SCHIP1: variants seen among roughly 807,000 people sequenced by gnomAD.
The protein encoded by SCHIP1 is schwannomin-interacting protein 1.
SCHIP1 carries 8 observed loss-of-function variants against 29.7 expected under a neutral mutation model. That is an observed-to-expected ratio of 0.27 (90% confidence interval 0.16 to 0.49). The LOEUF (loss-of-function observed/expected upper bound fraction) is 0.49. SCHIP1 is among the 20% of genes least tolerant of loss of function. SCHIP1 has a pLI of 0.99. For synonymous variants in SCHIP1, 76 were observed against 94.9 expected (o/e 0.80, Z 1.16); for missense variants, 193 against 294.6 (o/e 0.66, Z 2.52).
At chr3:159,705,164 A>G in the SCHIP1 span, among the ~76,000 whole-genome samples, 1 of 152,044 alleles carries the variant, frequency 6.6e-6, no homozygotes, top group African/African-American at 2.4e-5. Context: ...GGGTTTCACC[A>G]TGTTGGCCAG....
At chr3:159,326,371 A>G in the SCHIP1 span, among the ~76,000 whole-genome samples, 1 of 152,314 alleles carries the variant, frequency 6.6e-6, no homozygotes. Context: ...AGTATTCCAA[A>G]AGTACATCAG....
At chr3:159,561,287 C>G in the SCHIP1 span, among the ~76,000 whole-genome samples, 1 of 152,174 alleles carries the variant, frequency 6.6e-6, no homozygotes, top group African/African-American at 2.4e-5. Context: ...GAGAATACCT[C>G]TTTTATAAGA....
In SCHIP1 at chr3:159,861,152, A is replaced by G. The variant is rs1295751381; in HGVS notation, c.31-5011A>G. 6.6e-6 allele frequency among the ~76,000 whole-genome samples: 1 copy of G among 152,196 alleles called. No individual in the cohort carries two copies. The highest frequency in any genetic ancestry group is 1.5e-5 in the Non-Finnish European group (1 of 68,040). ...CCACTTGTAAATTTACGTGCAGATTAGCATGCTGAAGGCTTCTTGCTTCAG... is the reference window on the plus strand; with the variant it reads ...CCACTTGTAAATTTACGTGCAGATTGGCATGCTGAAGGCTTCTTGCTTCAG... On this transcript the variant is annotated intron_variant, in intron 1 of 6. Coordinates refer to ENST00000445224, the Ensembl canonical transcript of SCHIP1. The surrounding 1 kb of genome is among the most constrained non-coding windows in gnomAD (Gnocchi z 4.1).
chr3:159,532,939 C>A, the SCHIP1 span, among the ~76,000 whole-genome samples: 1 of 152,068 alleles, frequency 6.6e-6, no homozygotes, highest in Non-Finnish European at 1.5e-5. Flanking sequence ...TGAGTATGAC[C>A]AACAAGTATG....
the SCHIP1 span, among the ~76,000 whole-genome samples, chr3:159,649,198 G>T: frequency 6.6e-6 from 1 of 152,158 alleles, no homozygotes; most frequent in African/African-American, 2.4e-5. Flanking sequence ...GTAGATGTTT[G>T]GGCCCCTGTG....
chr3:159,688,781 G>C, the SCHIP1 span, among the ~76,000 whole-genome samples: 1 of 152,106 alleles, frequency 6.6e-6, no homozygotes, highest in Non-Finnish European at 1.5e-5. Context: ...TGTATAAAGC[G>C]TAAGGAAAGG....
the SCHIP1 span, among the ~76,000 whole-genome samples, chr3:159,302,856 G>A: frequency 2.0e-5 from 3 of 152,116 alleles, no homozygotes; most frequent in African/African-American, 4.8e-5. Flanking sequence ...AACTGAGACC[G>A]GTGGTTATCA....
At chr3:159,879,359 C>G (rs1189276206) in intron 2 of SCHIP1, among the ~76,000 whole-genome samples, 1 of 151,366 alleles carries the variant, frequency 6.6e-6, no homozygotes, top group Non-Finnish European at 1.5e-5. Context: ...GACGGACTTT[C>G]CTAAAGTATC....
the SCHIP1 span, among the ~76,000 whole-genome samples, chr3:159,477,918 ATC>A: frequency 1.9e-5 from 2 of 108,060 alleles, no homozygotes; most frequent in Non-Finnish European, 3.8e-5. Flanking sequence ...CTCATTTTAA[ATC>A]TTTTTTTTTT....
At chr3:159,783,909 C>T in the SCHIP1 span, among the ~76,000 whole-genome samples, 3 of 151,958 alleles carry the variant, frequency 2.0e-5, no homozygotes, top group African/African-American at 7.3e-5. Flanking sequence ...GAAGTAAAGG[C>T]GTTGTAATGC....
chr3:159,546,746 A>G, the SCHIP1 span, among the ~76,000 whole-genome samples: 1 of 152,190 alleles, frequency 6.6e-6, no homozygotes, highest in Non-Finnish European at 1.5e-5. Flanking sequence ...TTCAAACGAC[A>G]TGAACTCATT....
the SCHIP1 span, among the ~76,000 whole-genome samples, chr3:159,583,698 A>G: frequency 2.0e-5 from 3 of 152,178 alleles, no homozygotes; most frequent in Non-Finnish European, 4.4e-5. Context: ...TGCCTTAGTC[A>G]TCTTTGGAAA....
the SCHIP1 span, among the ~76,000 whole-genome samples, chr3:159,653,019 C>T: frequency 2.0e-5 from 3 of 151,924 alleles, no homozygotes; most frequent in African/African-American, 4.8e-5. Context: ...GCAGGTATGG[C>T]GAAGGAGGGG....
At chr3:159,372,284 T>C in the SCHIP1 span, among the ~76,000 whole-genome samples, 1 of 152,098 alleles carries the variant, frequency 6.6e-6, no homozygotes, top group Non-Finnish European at 1.5e-5. Context: ...AATTGGGAAG[T>C]GAACAGAAGG....
At chr3:159,273,542 G>A in the SCHIP1 span, 4 of 1,218,184 alleles carry the variant, frequency 3.3e-6, no homozygotes, top group East Asian at 7.9e-5. Context: ...TTATCAATTT[G>A]AAGAACACTG....
chr3:159,442,031 G>C, the SCHIP1 span, among the ~76,000 whole-genome samples: 4 of 152,212 alleles, frequency 2.6e-5, no homozygotes, highest in African/African-American at 9.6e-5. Context: ...GAAACAGCAT[G>C]AACAATTGTA....
the SCHIP1 span, among the ~76,000 whole-genome samples, chr3:159,803,076 G>A: frequency 3.3e-5 from 5 of 152,098 alleles, no homozygotes; most frequent in African/African-American, 4.8e-5. Flanking sequence ...TCAGTTAGCC[G>A]GAATTTAGTC....
the SCHIP1 span, among the ~76,000 whole-genome samples, chr3:159,341,811 A>C: frequency 6.6e-6 from 1 of 152,144 alleles, no homozygotes; most frequent in Admixed American, 6.6e-5. Flanking sequence ...ATATGTATTA[A>C]AACTGATGAT....
chr3:159,689,801 G>A, the SCHIP1 span, among the ~76,000 whole-genome samples: 1 of 152,120 alleles, frequency 6.6e-6, no homozygotes, highest in South Asian at 2.1e-4. Flanking sequence ...AGTGTTTTTA[G>A]CATGAAGGGG....
Sources: allele counts gnomAD v4.1 joint callset (sites outside exome capture counted in the v4.1 genomes callset), GRCh38; gene constraint gnomAD v4.1.1; non-coding constraint Gnocchi (gnomAD v3.1); transcripts MANE v1.5; gene names NCBI Gene and HGNC (gene_info 2026-07-23, HGNC 2026-07-21).